The following DTWD2 variants were observed in gnomAD, a reference collection of about 807,000 sequenced individuals.
The protein encoded by DTWD2 is DTW motif tRNA-uridine aminocarboxypropyltransferase 2.
A neutral mutation model predicts 31.8 loss-of-function variants in DTWD2; 39 were observed. That is an observed-to-expected ratio of 1.22 (90% CI 0.95 to 1.60). DTWD2 has a LOEUF of 1.60. Among genes scored for constraint, DTWD2 ranks in the 40% most tolerant of loss-of-function variants. The pLI, the probability that DTWD2 is intolerant of heterozygous loss-of-function variation, is 0.00. For synonymous variants in DTWD2, 180 were observed against 142.8 expected (o/e 1.26, Z -1.86); for missense variants, 515 against 381.5 (o/e 1.35, Z -2.92).
intron 4 of DTWD2, among the ~76,000 whole-genome samples, chr5:118,877,775 A>G (rs1480150466): frequency 1.3e-5 from 2 of 152,228 alleles, no homozygotes; most frequent in Non-Finnish European, 2.9e-5. Flanking sequence ...ACATGATAAC[A>G]TGATCCTATA....
At chr5:118,896,197 G>C (rs1753080872) in intron 4 of DTWD2, among the ~76,000 whole-genome samples, 1 of 152,082 alleles carries the variant, frequency 6.6e-6, no homozygotes, top group South Asian at 2.1e-4. Context: ...GGGCTCTCAG[G>C]AACTACAAAC....
At chr5:118,869,078 T>C (rs1042941220) in intron 4 of DTWD2, among the ~76,000 whole-genome samples, 1 of 152,054 alleles carries the variant, frequency 6.6e-6, no homozygotes, top group Non-Finnish European at 1.5e-5. Flanking sequence ...ATTTAATGCA[T>C]ACAGTTAGTT....
In DTWD2 at chr5:118,988,440, C is replaced by T. The variant is rs764677633; in HGVS notation, c.72G>A (p.Gln24=). The change falls in exon 1 of 6, where the codon CAG becomes CAA. Residue 24 remains glutamine (Q), a synonymous_variant. Coordinates refer to ENST00000510708, the MANE Select transcript of DTWD2 (RefSeq NM_173666.4). ...VARPSGASSS[Q]TPNDKERREG... is the part of the protein sequence containing the mutation. ...CCCGCCGCTCCTTGTCGTTCGGCGT[C>T]TGAGAGCTTGAGGCCCCAGAAGGCC... 5 of 1,607,272 alleles carry T rather than the reference C, an allele frequency of 3.1e-6. No homozygotes were observed. In the African/African-American group the frequency reaches 4.1e-5, roughly 13 times the overall value.
rs529029882 is a variant in DTWD2, at chr5:118,973,064, T to G, written c.218+15230A>C. On this transcript the variant is annotated intron_variant, in intron 1 of 5. Transcript: ENST00000510708. ...ACTTACAGTCTGTTTTATCAGAAAC[T>G]AGGATTGCAACCCCCTTTTTTTTTT... 1.0e-3 allele frequency among the ~76,000 whole-genome samples: 158 copies of G among 151,764 alleles called. 1 individual carries two copies. Among genetic ancestry groups the G allele is most frequent in the African/African-American group, 3.7e-3 (153 of 41,248 alleles).
intron 1 of DTWD2, among the ~76,000 whole-genome samples, chr5:118,986,558 T>A (rs1369710732): frequency 2.0e-5 from 3 of 152,142 alleles, no homozygotes; most frequent in African/African-American, 7.2e-5. Flanking sequence ...ATCAATCAAA[T>A]CTAAGAATGC....
At chr5:118,914,378 A>C (rs186906718) in intron 4 of DTWD2, among the ~76,000 whole-genome samples, 30 of 152,326 alleles carry the variant, frequency 2.0e-4, no homozygotes, top group South Asian at 2.1e-4. Flanking sequence ...TCAGTGCCTT[A>C]ATATTAGAAT....
At chr5:118,880,276 G>C (rs1752713633) in intron 4 of DTWD2, among the ~76,000 whole-genome samples, 1 of 152,042 alleles carries the variant, frequency 6.6e-6, no homozygotes, top group Non-Finnish European at 1.5e-5. Context: ...ATAATAAACA[G>C]AATTTTAGAT....
chr5:118,952,179 T>C (rs1754480683), intron 1 of DTWD2, among the ~76,000 whole-genome samples: 1 of 152,154 alleles, frequency 6.6e-6, no homozygotes, highest in African/African-American at 2.4e-5. Flanking sequence ...CCAGAGGTCG[T>C]AGATGGATCT....
rs576029494 is a variant in DTWD2 at position 118,946,627 on chromosome 5, G to T, written c.219-1978C>A. ...TAAATAAAGTATCTCTATGCTAATA[G>T]TATTTCAATGTGGCGGGTGGGGTAG... is the stretch of plus-strand genomic sequence containing the variant. On this transcript the variant is annotated intron_variant, in intron 1 of 5. Coordinates refer to ENST00000510708, the MANE Select transcript of DTWD2 (RefSeq NM_173666.4). Among the ~76,000 whole-genome samples the T allele has an allele frequency of 4.8e-4, 73 of 152,224 alleles. 1 individual carries two copies. Among genetic ancestry groups the T allele is most frequent in the Admixed American group, 4.1e-3 (63 of 15,298 alleles).
At chr5:118,954,899 G>C (rs1237635920) in intron 1 of DTWD2, among the ~76,000 whole-genome samples, 2 of 151,808 alleles carry the variant, frequency 1.3e-5, no homozygotes, top group Non-Finnish European at 2.9e-5. Flanking sequence ...TATCCCATTC[G>C]TTAATTTTTT....
Position 118,840,741 on chromosome 5 carries a change from G to A in DTWD2, c.*176C>T. The stretch of plus-strand genomic sequence containing the variant: ...AAATCCTGCTTTTCAGTGAGCCAGT[G>A]AATTTCTGTTTATTTGTATTTATGA... On this transcript the variant is annotated 3_prime_UTR_variant, in exon 6 of 6. Transcript: ENST00000510708. 2 of 606,484 alleles carry A rather than the reference G, an allele frequency of 3.3e-6. No homozygotes were observed. The highest frequency in any genetic ancestry group is 4.9e-6 in the Non-Finnish European group (2 of 410,596). The allele number at this position is 606,484 out of a possible 1,614,324, so 37.6% of individuals were successfully genotyped here.
At chr5:118,890,652 C>T (rs1251081629) in intron 4 of DTWD2, among the ~76,000 whole-genome samples, 4 of 138,202 alleles carry the variant, frequency 2.9e-5, no homozygotes, top group South Asian at 4.7e-4. Context: ...CTCACTGCAA[C>T]CTCCGCCTCC....
chr5:118,869,538 A>G (rs1184431846), intron 4 of DTWD2, among the ~76,000 whole-genome samples: 1 of 152,176 alleles, frequency 6.6e-6, no homozygotes, highest in African/African-American at 2.4e-5. Context: ...TTTGTTGCCA[A>G]CCTGAAAAAC....
At chr5:118,972,599 A>G (rs1381235954) in intron 1 of DTWD2, among the ~76,000 whole-genome samples, 1 of 152,194 alleles carries the variant, frequency 6.6e-6, no homozygotes, top group African/African-American at 2.4e-5. Context: ...AGTTGAAAAG[A>G]AGGAACTCCT....
intron 1 of DTWD2, among the ~76,000 whole-genome samples, chr5:118,951,719 C>T (rs182981940): frequency 6.6e-6 from 1 of 152,110 alleles, no homozygotes; most frequent in Non-Finnish European, 1.5e-5. Flanking sequence ...TGGAAGGTTG[C>T]CCATAGTGAA....
chr5:118,950,373 T>C (rs1754436261), intron 1 of DTWD2, among the ~76,000 whole-genome samples: 5 of 152,024 alleles, frequency 3.3e-5, no homozygotes. Context: ...GTAGTCTCTG[T>C]ATTGATTAAG....
intron 4 of DTWD2, among the ~76,000 whole-genome samples, chr5:118,863,324 A>G (rs926014737): frequency 6.6e-6 from 1 of 152,238 alleles, no homozygotes; most frequent in South Asian, 2.1e-4. Context: ...TATGCTGCCT[A>G]TATTCTTCTG....
intron 4 of DTWD2, among the ~76,000 whole-genome samples, chr5:118,925,039 AC>A (rs1175342809): frequency 6.6e-6 from 1 of 152,220 alleles, no homozygotes; most frequent in African/African-American, 2.4e-5. Context: ...TCATCTAAAA[AC>A]AATGTCTGCA....
chr5:118,978,858 T>G (rs1043775481), intron 1 of DTWD2, among the ~76,000 whole-genome samples: 1 of 151,414 alleles, frequency 6.6e-6, no homozygotes, highest in Non-Finnish European at 1.5e-5. Context: ...ATAAAAAAAT[T>G]AGCTGGGCAT....
Sources: allele counts gnomAD v4.1 joint callset (sites outside exome capture counted in the v4.1 genomes callset), GRCh38; gene constraint gnomAD v4.1.1; transcripts MANE v1.5; gene names NCBI Gene and HGNC (gene_info 2026-07-23, HGNC 2026-07-21).